GRIP1: variants seen among roughly 807,000 people sequenced by gnomAD.
GRIP1 encodes the protein glutamate receptor-interacting protein 1.
Under a neutral mutation model 129.9 loss-of-function variants are expected in GRIP1, and 45 were observed. That is an observed-to-expected ratio of 0.35 (90% CI 0.27 to 0.44). The LOEUF (loss-of-function observed/expected upper bound fraction) is 0.44, where lower values mean the gene tolerates loss of function less well. GRIP1 is among the 20% of genes least tolerant of loss of function. The pLI is 1.00. For synonymous variants in GRIP1, 530 were observed against 520.8 expected, an observed-to-expected ratio of 1.02 and a Z score of -0.24; for missense variants, 1,196 against 1,396.8, an observed-to-expected ratio of 0.86 and a Z score of 2.29.
rs555588613 is a variant in GRIP1, at chr12:66,366,203, G to C, written c.3012+5491C>G. On this transcript the variant is annotated intron_variant, in intron 23 of 24. Coordinates refer to ENST00000359742, the MANE Select transcript of GRIP1 (RefSeq NM_001366722.1). ...GGCATGAGGATTCATTTGATCTTGA[G>C]AGCTGACTCCAAATATTTGTGAAGA... Among the ~76,000 whole-genome samples the C allele has an allele frequency of 7.2e-5, 11 of 152,322 alleles. No individual in the cohort carries two copies. In the South Asian group the frequency reaches 2.3e-3, roughly 32 times the overall value.
chr12:66,526,259 A>T (rs77302837), intron 5 of GRIP1, among the ~76,000 whole-genome samples: 2 of 149,656 alleles, frequency 1.3e-5, no homozygotes, highest in Admixed American at 6.6e-5. Flanking sequence ...GGAGGCATCA[A>T]GCTACCTGAC....
At chr12:66,377,351 G>A (rs1296043429) in intron 20 of GRIP1, 66 bp from the exon 21 acceptor site, 76 of 1,010,548 alleles carry the variant, frequency 7.5e-5, no homozygotes, top group South Asian at 7.2e-4. Flanking sequence ...TTTTTGAGAC[G>A]GAGTCTCTCT....
intron 7 of GRIP1, among the ~76,000 whole-genome samples, chr12:66,471,663 T>C (rs2059442659): frequency 6.6e-6 from 1 of 152,168 alleles, no homozygotes; most frequent in South Asian, 2.1e-4. Context: ...ATGGTGGAAA[T>C]AAAGATGATT....
intron 7 of GRIP1, among the ~76,000 whole-genome samples, chr12:66,466,615 T>G (rs1032103003): frequency 1.3e-5 from 2 of 152,158 alleles, no homozygotes; most frequent in Non-Finnish European, 2.9e-5. Context: ...TACTAAAACT[T>G]TCTAAGCCTG....
intron 1 of GRIP1, among the ~76,000 whole-genome samples, chr12:66,803,019 C>G (rs2038902963): frequency 6.6e-6 from 1 of 152,064 alleles, no homozygotes; most frequent in African/African-American, 2.4e-5. Context: ...AATTTTCAAC[C>G]CTCAGTCTTC....
intron 13 of GRIP1, among the ~76,000 whole-genome samples, chr12:66,443,423 G>A (rs12300772): frequency 0.02 from 3,047 of 150,836 alleles, 98 homozygotes; most frequent in African/African-American, 0.071. Context: ...CTCCCCTACC[G>A]CAATATTTTT....
At position 66,798,613 on chromosome 12, in the gene GRIP1, T is replaced by C. The variant is rs145106944; in HGVS notation, c.-420+5440A>G. On this transcript the variant is annotated intron_variant, in intron 1 of 4. Transcript: ENST00000538373. Reference sequence around the variant, plus strand: ...ATTTCAGATAGCATGCCGTACTAACTGGACTCCGAAGTCCCTCCTAACTCT... The same window carrying C: ...ATTTCAGATAGCATGCCGTACTAACCGGACTCCGAAGTCCCTCCTAACTCT... Among the ~76,000 whole-genome samples the C allele has an allele frequency of 3.3e-4, 50 of 152,256 alleles. No homozygotes were observed. The East Asian group carries it at 8.1e-3, about 25-fold the overall frequency.
chr12:66,678,639 CA>C (rs2034448569), intron 1 of GRIP1, among the ~76,000 whole-genome samples: 1 of 152,042 alleles, frequency 6.6e-6, no homozygotes, highest in African/African-American at 2.4e-5. Flanking sequence ...AAGCTGCTTT[CA>C]TAATTTCAGC....
intron 7 of GRIP1, among the ~76,000 whole-genome samples, chr12:66,504,698 G>A (rs1039724304): frequency 6.6e-6 from 1 of 152,140 alleles, no homozygotes; most frequent in Non-Finnish European, 1.5e-5. Context: ...CCCTGGCCTA[G>A]ATGAGCCTCA....
intron 20 of GRIP1, among the ~76,000 whole-genome samples, chr12:66,377,530 A>T (rs1263561867): frequency 1.6e-4 from 23 of 146,276 alleles, no homozygotes; most frequent in Non-Finnish European, 1.5e-5. Context: ...TAGTCGAGAC[A>T]GGGTTTCACC....
At chr12:66,373,122 C>T (rs769852604) in intron 22 of GRIP1, among the ~76,000 whole-genome samples, 1 of 152,144 alleles carries the variant, frequency 6.6e-6, no homozygotes, top group Non-Finnish European at 1.5e-5. Flanking sequence ...TAGACTCTCA[C>T]TCTGTCACCC....
intron 1 of GRIP1, among the ~76,000 whole-genome samples, chr12:67,016,555 C>T (rs2042790563): frequency 6.6e-6 from 1 of 152,040 alleles, no homozygotes; most frequent in South Asian, 2.1e-4. Context: ...ACGGAAATGG[C>T]TGGGCTGAGA....
intron 7 of GRIP1, among the ~76,000 whole-genome samples, chr12:66,476,023 G>C (rs71450865): frequency 8.9e-4 from 135 of 152,092 alleles, no homozygotes; most frequent in African/African-American, 3.1e-3. Context: ...AAGATCAGAG[G>C]AGAACTGAAG....
At chr12:66,833,352 C>A (rs138301137) in intron 1 of GRIP1, among the ~76,000 whole-genome samples, 31 of 152,276 alleles carry the variant, frequency 2.0e-4, no homozygotes, top group African/African-American at 6.3e-4. Flanking sequence ...TATTTTTAGC[C>A]ACTCTTCCCT....
chr12:67,030,531 A>T (rs1317445955), intron 1 of GRIP1, among the ~76,000 whole-genome samples: 1 of 152,130 alleles, frequency 6.6e-6, no homozygotes, highest in African/African-American at 2.4e-5. Flanking sequence ...TTGTACTTTT[A>T]AAGTATTGTT....
Position 66,580,515 on chromosome 12 carries a change from C to T in GRIP1, c.136+16332G>A, listed in dbSNP as rs552702717. 3.9e-5 allele frequency among the ~76,000 whole-genome samples: 6 copies of T among 152,240 alleles called. No individual in the cohort carries two copies. The South Asian group carries it at 1.2e-3, about 32-fold the overall frequency. On this transcript the variant is annotated intron_variant, in intron 2 of 24. Coordinates refer to ENST00000359742, the MANE Select transcript of GRIP1 (RefSeq NM_001366722.1). Reference sequence around the variant, plus strand: ...AGTGTGTTGTACTCAGGAAACCCATCTCACATGCAGAGACACACATAGGCT... The same window carrying T: ...AGTGTGTTGTACTCAGGAAACCCATTTCACATGCAGAGACACACATAGGCT...
At chr12:66,526,700 G>A (rs1478337479) in intron 5 of GRIP1, among the ~76,000 whole-genome samples, 4 of 151,752 alleles carry the variant, frequency 2.6e-5, no homozygotes, top group Admixed American at 6.6e-5. Context: ...AAACTAAAGA[G>A]CTTCTGCACA....
At chr12:66,556,273 C>T (rs1441710837) in intron 2 of GRIP1, among the ~76,000 whole-genome samples, 1 of 152,014 alleles carries the variant, frequency 6.6e-6, no homozygotes, top group Non-Finnish European at 1.5e-5. Flanking sequence ...CGTGGCATTA[C>T]ATATTTAAAG....
Position 66,444,744 on chromosome 12 carries a change from CAT to C in GRIP1, c.1542-17_1542-16del. On this transcript the variant is annotated splice_polypyrimidine_tract_variant and intron_variant, in intron 12 of 24. Coordinates refer to ENST00000359742, the MANE Select transcript of GRIP1 (RefSeq NM_001366722.1). ...GCACCCCACATCTAATTTAGAACCA[CAT>C]GTGAGAGGTTGTAGATGGAGTAAAT... 1.2e-6 allele frequency: 2 copies of C among 1,613,628 alleles called. No homozygotes were observed. Among genetic ancestry groups the C allele is most frequent in the South Asian group, 2.2e-5 (2 of 91,074 alleles).
Sources: allele counts gnomAD v4.1 joint callset (sites outside exome capture counted in the v4.1 genomes callset), GRCh38; gene constraint gnomAD v4.1.1; transcripts MANE v1.5; gene names NCBI Gene and HGNC (gene_info 2026-07-23, HGNC 2026-07-21).